The following TMEM178B variants were observed in gnomAD, a reference collection of about 807,000 sequenced individuals.
TMEM178B encodes transmembrane protein 178B.
In TMEM178B, 5 loss-of-function variants were observed where a neutral mutation model predicts 31.0. That is an observed-to-expected ratio of 0.16 (90% CI 0.08 to 0.34). The LOEUF is 0.34. TMEM178B is among the 10% of genes least tolerant of loss of function. TMEM178B has a pLI of 1.00. For missense variants in TMEM178B, 275 were observed against 400.3 expected, an observed-to-expected ratio of 0.69 and a Z score of 2.67; for synonymous variants, 164 against 164.0, an observed-to-expected ratio of 1.00 and a Z score of 0.00.
chr7:141,135,889 TA>T (rs1795668141), intron 1 of TMEM178B, among the ~76,000 whole-genome samples: 1 of 151,636 alleles, frequency 6.6e-6, no homozygotes, highest in Admixed American at 6.6e-5. Context: ...AAATAGAGAC[TA>T]AAAAAATACA....
intron 1 of TMEM178B, among the ~76,000 whole-genome samples, chr7:141,144,000 G>A (rs373451868): frequency 9.2e-4 from 140 of 152,130 alleles, no homozygotes; most frequent in Middle Eastern, 3.4e-3. Context: ...ATGGGATTGC[G>A]TTCTTGATTT....
intron 2 of TMEM178B, among the ~76,000 whole-genome samples, chr7:141,233,405 G>A (rs930929444): frequency 3.3e-5 from 5 of 152,184 alleles, no homozygotes; most frequent in African/African-American, 4.8e-5. Flanking sequence ...TCTCAGCTGC[G>A]TGAGCACTGT....
the TMEM178B span, among the ~76,000 whole-genome samples, chr7:141,505,062 A>T: frequency 1.3e-5 from 2 of 152,248 alleles, no homozygotes; most frequent in Non-Finnish European, 2.9e-5. Flanking sequence ...ACAATAGTTT[A>T]TGTTCTGCTA....
intron 2 of TMEM178B, among the ~76,000 whole-genome samples, chr7:141,348,353 T>C (rs964916231): frequency 6.6e-6 from 1 of 152,234 alleles, no homozygotes; most frequent in Admixed American, 6.5e-5. Flanking sequence ...GTAATTCAGA[T>C]GGACAGGATT....
chr7:141,148,767 T>A lies in TMEM178B; in HGVS notation c.383-63824T>A, dbSNP rs969114893. 2.0e-5 allele frequency among the ~76,000 whole-genome samples: 3 copies of A among 152,234 alleles called. No homozygotes were observed. In the South Asian group the frequency reaches 6.2e-4, roughly 32 times the overall value. On this transcript the variant is annotated intron_variant, in intron 1 of 3. Transcript: ENST00000565468. ...GGTGACGGGCAATCAATCAGTCACA[T>A]GGTTCTAAGTGCCATGTAAGGAATC...
At chr7:141,194,793 C>T (rs772596001) in intron 1 of TMEM178B, among the ~76,000 whole-genome samples, 5 of 152,222 alleles carry the variant, frequency 3.3e-5, no homozygotes, top group African/African-American at 4.8e-5. Flanking sequence ...GGGCCCCACC[C>T]CTGCAGCAAA....
intron 2 of TMEM178B, among the ~76,000 whole-genome samples, chr7:141,409,604 T>A (rs1011209285): frequency 1.3e-5 from 2 of 152,182 alleles, no homozygotes; most frequent in Non-Finnish European, 2.9e-5. Flanking sequence ...CTGGGAGAGA[T>A]GATATGGTTG....
chr7:141,220,705 G>T (rs962474082), intron 2 of TMEM178B, among the ~76,000 whole-genome samples: 2 of 152,192 alleles, frequency 1.3e-5, no homozygotes, highest in African/African-American at 2.4e-5. Flanking sequence ...TGGAAGTCTG[G>T]CCTGGAGGCA....
At chr7:141,457,233 T>G (rs1401904487) in intron 3 of TMEM178B, among the ~76,000 whole-genome samples, 2 of 152,188 alleles carry the variant, frequency 1.3e-5, no homozygotes, top group Non-Finnish European at 2.9e-5. Context: ...ATTTGAGGCT[T>G]TACAGCAAAA....
chr7:141,497,524 C>T, the TMEM178B span, among the ~76,000 whole-genome samples: 1 of 152,162 alleles, frequency 6.6e-6, no homozygotes, highest in Non-Finnish European at 1.5e-5. Context: ...AGACTGTAGC[C>T]TAGTGATTGC....
At chr7:141,380,746 T>A (rs189325757) in intron 2 of TMEM178B, among the ~76,000 whole-genome samples, 144 of 152,314 alleles carry the variant, frequency 9.5e-4, no homozygotes, top group African/African-American at 3.3e-3. Context: ...TTGAGATAAT[T>A]ATTCATATAG....
At chr7:141,199,015 A>G (rs1194321668) in intron 1 of TMEM178B, among the ~76,000 whole-genome samples, 1 of 152,238 alleles carries the variant, frequency 6.6e-6, no homozygotes, top group Non-Finnish European at 1.5e-5. Context: ...AGTCTGTTTC[A>G]GGCTGGAAAA....
chr7:141,459,478 C>G (rs1802024546), intron 3 of TMEM178B, among the ~76,000 whole-genome samples: 1 of 152,168 alleles, frequency 6.6e-6, no homozygotes, highest in South Asian at 2.1e-4. Flanking sequence ...AGCACAAGCT[C>G]AAACAGAGGA....
intron 2 of TMEM178B, among the ~76,000 whole-genome samples, chr7:141,435,366 ACCTTTTGG>A (rs149840373): frequency 0.025 from 3,871 of 152,194 alleles, 98 homozygotes; most frequent in Non-Finnish European, 0.036. Flanking sequence ...TCTTCCCACC[ACCTTTTGG>A]CCCTTGAAGA....
intron 2 of TMEM178B, among the ~76,000 whole-genome samples, chr7:141,412,058 C>T (rs1801000033): frequency 6.6e-6 from 1 of 152,202 alleles, no homozygotes; most frequent in Non-Finnish European, 1.5e-5. Flanking sequence ...GCTGCCCTTT[C>T]AGTATGCCCT....
chr7:141,419,652 C>T (rs1374493248), intron 2 of TMEM178B, among the ~76,000 whole-genome samples: 2 of 152,194 alleles, frequency 1.3e-5, no homozygotes, highest in East Asian at 1.9e-4. Flanking sequence ...GGATGAAATC[C>T]AAGCTCTAAG....
chr7:141,105,282 C>T (rs767696670), intron 1 of TMEM178B, among the ~76,000 whole-genome samples: 5 of 152,000 alleles, frequency 3.3e-5, no homozygotes, highest in Non-Finnish European at 7.4e-5. Flanking sequence ...CCGAGGTGGG[C>T]GGATCACTTG....
intron 2 of TMEM178B, among the ~76,000 whole-genome samples, chr7:141,398,451 C>A (rs1175784144): frequency 6.6e-6 from 1 of 152,128 alleles, no homozygotes; most frequent in Non-Finnish European, 1.5e-5. Flanking sequence ...GGCACAGGAG[C>A]TGACTCAGGG....
chr7:141,113,662 C>T (rs1795271069), intron 1 of TMEM178B, among the ~76,000 whole-genome samples: 1 of 152,180 alleles, frequency 6.6e-6, no homozygotes, highest in African/African-American at 2.4e-5. Context: ...GGGGGTTCCT[C>T]TTGATGTCTA....
Sources: allele counts gnomAD v4.1 joint callset (sites outside exome capture counted in the v4.1 genomes callset), GRCh38; gene constraint gnomAD v4.1.1; transcripts MANE v1.5; gene names NCBI Gene and HGNC (gene_info 2026-07-23, HGNC 2026-07-21).